The following LRMDA variants were observed in gnomAD, a reference collection of about 807,000 sequenced individuals.
LRMDA encodes the protein leucine rich melanocyte differentiation associated.
In LRMDA, 18 loss-of-function variants were observed where a neutral mutation model predicts 29.8. That is an observed-to-expected ratio of 0.60 (90% CI 0.42 to 0.90). The LOEUF (loss-of-function observed/expected upper bound fraction) is 0.90. Among genes scored for constraint, LRMDA ranks in the 40% least tolerant of loss-of-function variants. The probability of loss-of-function intolerance (pLI) is 0.00; values close to 1 mark genes in which losing one functional copy is unlikely to be tolerated. For synonymous variants in LRMDA, 125 were observed against 109.4 expected (o/e 1.14, Z -0.89); for missense variants, 273 against 273.9 (o/e 1.00, Z 0.02).
chr10:75,572,038 C>T (rs1352260919), intron 2 of LRMDA, among the ~76,000 whole-genome samples: 1 of 152,288 alleles, frequency 6.6e-6, no homozygotes, highest in Middle Eastern at 3.4e-3. Flanking sequence ...ACTGCAACCT[C>T]TGCCTCCCGG....
At chr10:75,543,306 C>G (rs769999142) in intron 2 of LRMDA, among the ~76,000 whole-genome samples, 2 of 152,190 alleles carry the variant, frequency 1.3e-5, no homozygotes, top group African/African-American at 4.8e-5. Context: ...GTTAAAATAA[C>G]TCTATTCTAT....
In LRMDA at chr10:76,055,755, A is replaced by G. The variant is rs566480157; in HGVS notation, c.399-2911A>G. ...TAGCTCCCTGTGAGGCTGCATCTGG[A>G]CCAGGCATACCACAACCAGCTTCCA... On this transcript the variant is annotated intron_variant, in intron 4 of 6. Coordinates refer to ENST00000611255, the MANE Select transcript of LRMDA (RefSeq NM_001305581.2). Among the ~76,000 whole-genome samples, 4 of 152,360 alleles carry G rather than the reference A, an allele frequency of 2.6e-5. No homozygotes were observed. In the South Asian group the frequency reaches 8.3e-4, roughly 32 times the overall value.
At chr10:75,984,424 C>T (rs1260896581) in intron 2 of LRMDA, among the ~76,000 whole-genome samples, 1 of 152,248 alleles carries the variant, frequency 6.6e-6, no homozygotes, top group Non-Finnish European at 1.5e-5. Flanking sequence ...GCCCTGTGTC[C>T]TCCTGGAAGG....
intron 2 of LRMDA, among the ~76,000 whole-genome samples, chr10:75,468,609 CT>C (rs1362289941): frequency 1.3e-5 from 2 of 152,136 alleles, no homozygotes; most frequent in African/African-American, 4.8e-5. Flanking sequence ...ATGCTAGTCA[CT>C]TTTTGGTCCA....
At chr10:76,324,284 C>A (rs557772405) in intron 5 of LRMDA, 117 bp from the exon 6 acceptor site, 1 of 894,494 alleles carries the variant, frequency 1.1e-6, no homozygotes, top group African/African-American at 1.7e-5. Context: ...TAAGAAGTAT[C>A]TTGGTGAATA....
chr10:75,976,775 G>T (rs570844184), intron 2 of LRMDA, among the ~76,000 whole-genome samples: 2 of 152,300 alleles, frequency 1.3e-5, no homozygotes, highest in South Asian at 2.1e-4. Flanking sequence ...GAATGCAGTA[G>T]CTCAAGGGCA....
chr10:75,655,149 A>G (rs528926021), intron 2 of LRMDA, among the ~76,000 whole-genome samples: 3 of 152,372 alleles, frequency 2.0e-5, no homozygotes, highest in African/African-American at 7.2e-5. Flanking sequence ...GGGTACATGT[A>G]ACTGATAAAT....
chr10:76,515,198 T>A (rs1272306149), intron 6 of LRMDA, among the ~76,000 whole-genome samples: 1 of 152,192 alleles, frequency 6.6e-6, no homozygotes, highest in Non-Finnish European at 1.5e-5. Context: ...GGACTTAATC[T>A]AATCCTAAAA....
Position 76,206,152 on chromosome 10 carries a change from C to A in LRMDA, c.517-118249C>A, listed in dbSNP as rs558595593. Among the ~76,000 whole-genome samples the A allele has an allele frequency of 2.6e-5, 4 of 152,312 alleles. No individual in the cohort carries two copies. The East Asian group carries it at 5.8e-4, about 22-fold the overall frequency. ...AGAAAGGGAGTTTAACCTCCAGGAG[C>A]TGAACTCAGCAGTGGGACTGTGCTG... On this transcript the variant is annotated intron_variant, in intron 5 of 6. Transcript: ENST00000611255.
chr10:75,612,990 C>T lies in LRMDA; in HGVS notation c.131+174496C>T, dbSNP rs1019085241. On this transcript the variant is annotated intron_variant, in intron 2 of 6. Transcript: ENST00000611255. ...TGCTGTGCTAAGAGCATTACTCAAA[C>T]GTATGCTATTGTGGTTGAACTTCTT... Among the ~76,000 whole-genome samples, 5 of 152,258 alleles carry T rather than the reference C, an allele frequency of 3.3e-5. No homozygotes were observed. The East Asian group carries it at 5.8e-4, about 18-fold the overall frequency.
At chr10:75,495,006 C>A (rs1845028086) in intron 2 of LRMDA, among the ~76,000 whole-genome samples, 1 of 152,170 alleles carries the variant, frequency 6.6e-6, no homozygotes, top group African/African-American at 2.4e-5. Flanking sequence ...TTTGCTCTTG[C>A]CTTTTAAGGA....
At chr10:76,529,643 C>T (rs1415593669) in intron 6 of LRMDA, among the ~76,000 whole-genome samples, 3 of 152,152 alleles carry the variant, frequency 2.0e-5, no homozygotes, top group Non-Finnish European at 4.4e-5. Context: ...CTACTCTAAA[C>T]TCTTAATTAT....
intron 2 of LRMDA, among the ~76,000 whole-genome samples, chr10:75,812,246 T>C (rs1843977220): frequency 6.6e-6 from 1 of 151,834 alleles, no homozygotes; most frequent in Non-Finnish European, 1.5e-5. Context: ...GACAAGGGAT[T>C]TGATTTAATA....
At chr10:75,462,564 A>C (rs900859171) in intron 2 of LRMDA, among the ~76,000 whole-genome samples, 5 of 152,180 alleles carry the variant, frequency 3.3e-5, no homozygotes, top group African/African-American at 1.2e-4. Flanking sequence ...TCCTTAAATT[A>C]CTCAGAGAGG....
At chr10:76,088,381 G>A (rs909442802) in intron 5 of LRMDA, among the ~76,000 whole-genome samples, 1 of 152,140 alleles carries the variant, frequency 6.6e-6, no homozygotes, top group Non-Finnish European at 1.5e-5. Flanking sequence ...TCTTCCTATT[G>A]AGGAGGGGTT....
chr10:76,249,927 T>C (rs949324747), intron 5 of LRMDA, among the ~76,000 whole-genome samples: 1 of 152,144 alleles, frequency 6.6e-6, no homozygotes, highest in African/African-American at 2.4e-5. Context: ...CTCAGCCTCC[T>C]GGGTAGCTGG....
chr10:75,810,140 G>T lies in LRMDA; in HGVS notation c.132-225868G>T, dbSNP rs530194873. Reference sequence around the variant, plus strand: ...GAAGGAGGTTGGCACATTCAGAAATGATGAAGGGGCCAGCGTAGCTGGAGT... The same window carrying T: ...GAAGGAGGTTGGCACATTCAGAAATTATGAAGGGGCCAGCGTAGCTGGAGT... On this transcript the variant is annotated intron_variant, in intron 2 of 6. Transcript: ENST00000611255. Among the ~76,000 whole-genome samples the T allele has an allele frequency of 4.1e-4, 62 of 152,328 alleles. 1 individual carries two copies. The South Asian group carries it at 5.4e-3, about 13-fold the overall frequency.
At chr10:75,913,297 A>G (rs1240703229) in intron 2 of LRMDA, among the ~76,000 whole-genome samples, 3 of 152,182 alleles carry the variant, frequency 2.0e-5, no homozygotes, top group Non-Finnish European at 2.9e-5. Context: ...TCTCTACTAA[A>G]AAGACAAAAA....
chr10:75,459,040 A>G (rs1844554608), intron 2 of LRMDA, among the ~76,000 whole-genome samples: 1 of 149,160 alleles, frequency 6.7e-6, no homozygotes, highest in Non-Finnish European at 1.5e-5. Flanking sequence ...GAACCTCTTT[A>G]CAGAAGATGA....
Sources: allele counts gnomAD v4.1 joint callset (sites outside exome capture counted in the v4.1 genomes callset), GRCh38; gene constraint gnomAD v4.1.1; transcripts MANE v1.5; gene names NCBI Gene and HGNC (gene_info 2026-07-23, HGNC 2026-07-21).